The following FTSJ3 variants were observed in gnomAD, a reference collection of about 807,000 sequenced individuals.
FTSJ3 encodes pre-rRNA 2'-O-ribose RNA methyltransferase FTSJ3.
In FTSJ3, 46 loss-of-function variants were observed where a neutral mutation model predicts 111.5. The observed-to-expected ratio is 0.41, with a 90% confidence interval of 0.33 to 0.53. FTSJ3 has a LOEUF of 0.53. Among genes scored for constraint, FTSJ3 ranks in the 20% least tolerant of loss-of-function variants. FTSJ3 has a pLI of 0.19. For missense variants in FTSJ3, 1,075 were observed against 1,063.8 expected (o/e 1.01, Z -0.15); for synonymous variants, 408 against 383.0 (o/e 1.07, Z -0.76).
Position 63,827,326 on chromosome 17 carries a change from G to T in FTSJ3, c.-301C>A, listed in dbSNP as rs933654163. ...ATCCCCTTCCAAAGCCCCTGAACTC[G>T]AGTAGCCGCCCCTCCCATCATGGTT... On this transcript the variant is annotated 5_prime_UTR_variant, in exon 1 of 21. Transcript: ENST00000427159. The T allele has an allele frequency of 4.6e-6, 4 of 873,080 alleles. No homozygotes were observed. In the African/African-American group the frequency reaches 5.0e-5, roughly 11 times the overall value. The allele number at this position is 873,080 out of a possible 1,614,324, so 54.1% of individuals were successfully genotyped here. A position where few individuals can be genotyped will look rare whatever the true frequency, so the allele number is the denominator to read the frequency against.
At chr17:63,824,437 C>A (rs748251075) in intron 10 of FTSJ3, 26 bp from the exon 11 acceptor site, 2 of 1,609,938 alleles carry the variant, frequency 1.2e-6, no homozygotes, top group Admixed American at 1.7e-5. Flanking sequence ...TATTACTGAT[C>A]TTGCCATCTC....
intron 3 of FTSJ3, 36 bp from the exon 4 acceptor site, chr17:63,826,340 A>G: frequency 1.9e-6 from 3 of 1,605,598 alleles, no homozygotes; most frequent in Non-Finnish European, 2.6e-6. Flanking sequence ...ACCTAGAGCC[A>G]TCCTTTTCCC....
In FTSJ3 at chr17:63,820,946, G is replaced by C. The variant is rs2040044148; in HGVS notation, c.1973-8C>G. On this transcript the variant is annotated splice_polypyrimidine_tract_variant and splice_region_variant and intron_variant, in intron 17 of 20. Coordinates refer to ENST00000427159, the MANE Select transcript of FTSJ3 (RefSeq NM_017647.4). ...CCAGTATCCGATGTTTCGCTAGAGA[G>C]GGAAGGAGAAAGGTCAAAGCTCAAT... 2 of 1,613,378 alleles carry C rather than the reference G, an allele frequency of 1.2e-6. No individual in the cohort carries two copies. Among genetic ancestry groups the C allele is most frequent in the Admixed American group, 3.3e-5 (2 of 59,994 alleles).
intron 11 of FTSJ3, 33 bp from the exon 12 acceptor site, chr17:63,824,272 TC>T: frequency 6.2e-7 from 1 of 1,614,144 alleles, no homozygotes; most frequent in Non-Finnish European, 8.5e-7. Flanking sequence ...TGGGTTATTT[TC>T]CCAGACTTTT....
chr17:63,826,344 T>G, intron 3 of FTSJ3, 40 bp from the exon 4 acceptor site: 1 of 1,596,228 alleles, frequency 6.3e-7, no homozygotes, highest in East Asian at 2.2e-5. Context: ...AGAGCCATCC[T>G]TTTCCCCCTC....
At chr17:63,823,634 C>A in intron 13 of FTSJ3, 183 bp downstream of exon 13, 1 of 659,240 alleles carries the variant, frequency 1.5e-6, no homozygotes, top group Non-Finnish European at 2.7e-6. Flanking sequence ...CATCTATCTA[C>A]CTAACTCATC....
rs1312051804 is a variant in FTSJ3, at chr17:63,824,121, C to T, written c.1117G>A (p.Ala373Thr). 5 of 1,614,176 alleles carry T rather than the reference C, an allele frequency of 3.1e-6. No homozygotes were observed. The highest frequency in any genetic ancestry group is 4.2e-6 in the Non-Finnish European group (5 of 1,180,044). The change falls in exon 12 of 21, where the codon GCA (alanine) becomes ACA (threonine). Residue 373 changes from alanine (A) to threonine (T), a missense_variant. Coordinates refer to ENST00000427159, the MANE Select transcript of FTSJ3 (RefSeq NM_017647.4). ...GCCACCTCCTGGGCCTTCATTTCTG[C>T]CAAGGTCTGGTTCAGTTGTTCCTCC... ...EEEEQLNQTLAEMKAQEVAEL... is the reference protein window; with the variant it reads ...EEEEQLNQTLTEMKAQEVAEL...
In FTSJ3 at chr17:63,823,752, C is replaced by G. The variant is rs148169144; in HGVS notation, c.1290+65G>C. 6 of 1,563,206 alleles carry G rather than the reference C, an allele frequency of 3.8e-6. No individual in the cohort carries two copies. The South Asian group carries it at 5.9e-5, about 15-fold the overall frequency. On this transcript the variant is annotated intron_variant, in intron 13 of 20. Coordinates refer to ENST00000427159, the MANE Select transcript of FTSJ3 (RefSeq NM_017647.4). Reference sequence around the variant, plus strand: ...CAACCTAAAAAGACATTCAACACCCCCCACCTCCAAACACCCAAACAGATC... The same window carrying G: ...CAACCTAAAAAGACATTCAACACCCGCCACCTCCAAACACCCAAACAGATC...
intron 5 of FTSJ3, 74 bp downstream of exon 5, chr17:63,825,982 A>G: frequency 7.8e-7 from 1 of 1,280,644 alleles, no homozygotes; most frequent in Admixed American, 2.0e-5. Context: ...AAAAGGAAAA[A>G]CTTGCCTTTA....
intron 13 of FTSJ3, among the ~76,000 whole-genome samples, chr17:63,822,678 A>C (rs2040062405): frequency 6.6e-6 from 1 of 152,116 alleles, no homozygotes; most frequent in South Asian, 2.1e-4. Context: ...TAATCTCAGC[A>C]TTTTGGGAGG....
rs770642137 is a variant in FTSJ3, at chr17:63,820,093, C to T, written c.2337G>A (p.Val779=). ...CCTCCCATTACCTTCGCAGCTGTGC[C>T]ACTTTCTCTCGTTCTGAGATGTCCA... The part of the protein sequence containing the change: ...NTVDISEREK[V]AQLRSLYKKA... Residue 779 remains valine (V), a synonymous_variant, in exon 20 of 21, where the codon GTG becomes GTA. Transcript: ENST00000427159. The T allele has an allele frequency of 6.2e-7, 1 of 1,614,114 alleles. No homozygotes were observed. The highest frequency in any genetic ancestry group is 1.7e-5 in the Admixed American group (1 of 60,010).
At position 63,824,139 on chromosome 17, in the gene FTSJ3, GTTCCTCCTCCTCCTC is replaced by G. The variant is rs759513270; in HGVS notation, c.1084_1098del (p.Glu362_Glu366del). 43 of 1,613,948 alleles carry G rather than the reference GTTCCTCCTCCTCCTC, an allele frequency of 2.7e-5. No homozygotes were observed. Among genetic ancestry groups the G allele is most frequent in the African/African-American group, 6.7e-5 (5 of 74,874 alleles). ...ATTTCTGCCAAGGTCTGGTTCAGTT[GTTCCTCCTCCTCCTC>G]TTCCTCCTCCTCCTTAGAGGGCTGC... On this transcript the variant is annotated inframe_deletion, in exon 12 of 21. Coordinates refer to ENST00000427159, the MANE Select transcript of FTSJ3 (RefSeq NM_017647.4).
At chr17:63,821,320 C>A in intron 16 of FTSJ3, 34 bp downstream of exon 16, 4 of 1,580,646 alleles carry the variant, frequency 2.5e-6, no homozygotes, top group Non-Finnish European at 3.4e-6. Context: ...CCACCGCTTC[C>A]TTTCCATCCC....
intron 5 of FTSJ3, 43 bp from the exon 6 acceptor site, chr17:63,825,678 T>G: frequency 6.5e-7 from 1 of 1,546,600 alleles, no homozygotes; most frequent in Non-Finnish European, 8.9e-7. Context: ...AACACTGGAA[T>G]GGCCCTGGTT....
At position 63,827,612 on chromosome 17, in the gene FTSJ3, G is replaced by C. The variant is rs377226135; in HGVS notation, c.-587C>G. Reference sequence around the variant, plus strand: ...CGGGCCGGGGCAGGAGCGTCGGGTGGGTCGGAGGTGCCTGGACCAGTCCAT... The same window carrying C: ...CGGGCCGGGGCAGGAGCGTCGGGTGCGTCGGAGGTGCCTGGACCAGTCCAT... On this transcript the variant is annotated 5_prime_UTR_variant, in exon 1 of 21. Transcript: ENST00000427159. The C allele has an allele frequency of 5.2e-6, 8 of 1,548,700 alleles. No homozygotes were observed. The highest frequency in any genetic ancestry group is 7.0e-6 in the Non-Finnish European group (8 of 1,145,766).
rs199519029 is a variant in FTSJ3 at position 63,820,840 on chromosome 17, G to T, written c.2071C>A (p.Arg691=). 28 of 1,609,344 alleles carry T rather than the reference G, an allele frequency of 1.7e-5. No homozygotes were observed. The highest frequency in any genetic ancestry group is 2.1e-5 in the Non-Finnish European group (25 of 1,175,936). The change falls in exon 18 of 21, where the codon CGG becomes AGG. Residue 691 remains arginine (R), a splice_region_variant and synonymous_variant. Transcript: ENST00000427159. ...TTGATGAGTTTATGGCCCCTTTACC[G>T]GTTGAAGGAGTTATCTATGAGGTCT... ...KRDLIDNSFN[R]YTFNEDEGEL...
intron 5 of FTSJ3, 115 bp from the exon 6 acceptor site, chr17:63,825,750 C>T (rs2144610379): frequency 1.2e-6 from 1 of 833,760 alleles, no homozygotes; most frequent in East Asian, 2.5e-5. Flanking sequence ...CAGTACCAGG[C>T]ACAGGAGATA....
Position 63,825,089 on chromosome 17 carries a change from C to A in FTSJ3, c.670G>T (p.Ala224Ser), listed in dbSNP as rs780836020. 4.3e-6 allele frequency: 7 copies of A among 1,614,170 alleles called. No homozygotes were observed. Among genetic ancestry groups the A allele is most frequent in the Non-Finnish European group, 5.9e-6 (7 of 1,180,034 alleles). Residue 224 changes from alanine (A) to serine (S), a missense_variant, in exon 8 of 21, where the codon GCT becomes TCT. Ala to Ser is a moderately conservative substitution (Grantham distance 99). This residue lies in a region of FTSJ3 where 867 missense variants were observed against 796.9 expected (regional missense o/e 1.09). Transcript: ENST00000427159. ...GTAACCAATTCAGTAACGGTCTTAG[C>A]CTGAACTTCAACCTCCTTAAAGGCA... is the stretch of plus-strand genomic sequence containing the variant. Reference protein sequence around the residue: ...KFAFKEVEVQAKTVTELVTKK... With the variant: ...KFAFKEVEVQSKTVTELVTKK...
In FTSJ3 at chr17:63,826,596, C is replaced by T. The variant is rs199570968; in HGVS notation, c.144G>A (p.Leu48=). 5.0e-6 allele frequency: 8 copies of T among 1,614,114 alleles called. No individual in the cohort carries two copies. The East Asian group carries it at 1.8e-4, about 36-fold the overall frequency. The part of the protein sequence containing the change: ...RFQFLQKARA[L]LDLCAAPGGW... The stretch of plus-strand genomic sequence containing the variant: ...CCCCTGGCGCAGCACACAGGTCCAG[C>T]AAGGCTCGGGCTTTCTGCAGGAACT... Residue 48 remains leucine, a synonymous_variant, in exon 3 of 21, where the codon TTG becomes TTA. Coordinates refer to ENST00000427159, the MANE Select transcript of FTSJ3 (RefSeq NM_017647.4).
Sources: gnomAD v4.1 joint callset for allele counts (sites outside exome capture counted in the v4.1 genomes callset) on GRCh38, gnomAD v4.1.1 for gene constraint, gnomAD v4.1.1 regional missense constraint, MANE v1.5 for transcripts, NCBI Gene and HGNC (gene_info 2026-07-23, HGNC 2026-07-21) for gene names.